CDH23: variants seen among roughly 807,000 people sequenced by gnomAD.
The protein encoded by CDH23 is cadherin related 23, also known as cadherin-23.
Under a neutral mutation model 317.1 loss-of-function variants are expected in CDH23, and 189 were observed. The ratio of observed to expected loss-of-function variants is 0.60; its 90% CI spans 0.53 to 0.67. The LOEUF is 0.67. CDH23 is among the 30% of genes least tolerant of loss of function. The probability of loss-of-function intolerance (pLI) is 0.00; values close to 1 mark genes in which losing one functional copy is unlikely to be tolerated. For missense variants in CDH23, 4,401 were observed against 4,592.4 expected (o/e 0.96, Z 1.20); for synonymous variants, 1,839 against 1,876.8 (o/e 0.98, Z 0.52).
At chr10:71,715,394 G>A (rs1430645750) in intron 28 of CDH23, 2 of 152,342 alleles carry the variant, frequency 1.3e-5, no homozygotes, top group African/African-American at 4.8e-5. Flanking sequence ...TGCTCCCACA[G>A]GGCACCAGGC....
In CDH23 at chr10:71,678,401, C is replaced by T. The variant is rs2132671717; in HGVS notation, c.1752+708C>T. On this transcript the variant is annotated intron_variant, in intron 16 of 69. Coordinates refer to ENST00000224721, the MANE Select transcript of CDH23 (RefSeq NM_022124.6). ...CCGGAATGCTATTCTCCAAGTGCTT[C>T]CTGCAGCAAGTCCCCCACTAGGCTT... Among the ~76,000 whole-genome samples, 3 of 152,308 alleles carry T rather than the reference C, an allele frequency of 2.0e-5. 1 individual carries two copies. Among genetic ancestry groups the T allele is most frequent in the Admixed American group, 2.0e-4 (3 of 15,310 alleles).
chr10:71,740,596 G>T (rs891170075), intron 36 of CDH23, among the ~76,000 whole-genome samples: 2 of 152,182 alleles, frequency 1.3e-5, no homozygotes, highest in African/African-American at 4.8e-5. Context: ...GTCAGACGAC[G>T]ATTGGGCAAG....
intron 6 of CDH23, among the ~76,000 whole-genome samples, chr10:71,528,909 A>C (rs1262268676): frequency 6.6e-6 from 1 of 152,182 alleles, no homozygotes; most frequent in East Asian, 1.9e-4. Context: ...CACTAAAACC[A>C]GCAGAACAGG....
chr10:71,694,072 G>GCT, intron 20 of CDH23, 75 bp from the exon 21 acceptor site: 2 of 1,145,744 alleles, frequency 1.7e-6, no homozygotes, highest in Non-Finnish European at 1.3e-6. Context: ...TCCTTCCCTC[G>GCT]CTCTCTCTCT....
chr10:71,803,169 G>A (rs1284530793), intron 54 of CDH23, 40 bp from the exon 55 acceptor site: 1 of 1,605,752 alleles, frequency 6.2e-7, no homozygotes, highest in Admixed American at 1.7e-5. Flanking sequence ...GCGTGGGAAG[G>A]ATGTCTCAAC....
intron 11 of CDH23, among the ~76,000 whole-genome samples, chr10:71,632,183 CA>C (rs1249506947): frequency 6.6e-6 from 1 of 152,160 alleles, no homozygotes; most frequent in Non-Finnish European, 1.5e-5. Context: ...ACCCATCCCC[CA>C]AAAAGGATGA....
At chr10:71,773,559 C>G (rs917871465) in intron 38 of CDH23, 2 of 929,566 alleles carry the variant, frequency 2.2e-6, no homozygotes, top group East Asian at 3.3e-5. Flanking sequence ...GCCCCAGCGC[C>G]GTGCTCCAGG....
chr10:71,482,871 G>A (rs16928934), intron 3 of CDH23, among the ~76,000 whole-genome samples: 22,975 of 152,194 alleles, frequency 0.15, 1,804 homozygotes, highest in East Asian at 0.22. Context: ...TTAAATCCAA[G>A]AGGGAGCCAT....
chr10:71,450,587 C>T (rs566081840), intron 3 of CDH23, among the ~76,000 whole-genome samples: 2 of 152,140 alleles, frequency 1.3e-5, no homozygotes, highest in Admixed American at 6.5e-5. Context: ...CTTGAAATGC[C>T]CCACCAGCCT....
intron 19 of CDH23, among the ~76,000 whole-genome samples, chr10:71,690,000 G>C (rs1182606784): frequency 2.0e-5 from 3 of 152,178 alleles, no homozygotes; most frequent in Admixed American, 6.5e-5. Flanking sequence ...AAAAGTGAAG[G>C]CCTTAACTGA....
chr10:71,807,441 T>C, intron 58 of CDH23, 35 bp downstream of exon 58: 3 of 1,613,192 alleles, frequency 1.9e-6, no homozygotes, highest in Non-Finnish European at 2.5e-6. Flanking sequence ...CTGATTACCC[T>C]GGGGCTAGAG....
At position 71,759,846 on chromosome 10, in the gene CDH23, C is replaced by CACACACACATACACACACACACACACAT. The variant is rs776230069; in HGVS notation, c.4846-17833_4846-17832insCACACACATACACACACACACACACATA. Among the ~76,000 whole-genome samples the CACACACACATACACACACACACACACAT allele has an allele frequency of 2.0e-4, 12 of 59,960 alleles. 1 individual carries two copies. Among genetic ancestry groups the CACACACACATACACACACACACACACAT allele is most frequent in the African/African-American group, 7.2e-4 (12 of 16,700 alleles). 39.3% of individuals were successfully genotyped at this position (59,960 alleles called of 152,430 possible). On this transcript the variant is annotated intron_variant, in intron 38 of 69. Coordinates refer to ENST00000224721, the MANE Select transcript of CDH23 (RefSeq NM_022124.6). ...ACACACACACACACACACACACACA[C>CACACACACATACACACACACACACACAT]ATATACACACACACACACATATATA...
At chr10:71,409,514 T>G (rs1248343221) in intron 1 of CDH23, among the ~76,000 whole-genome samples, 2 of 152,112 alleles carry the variant, frequency 1.3e-5, no homozygotes, top group Non-Finnish European at 2.9e-5. Flanking sequence ...CAGAGTAGAC[T>G]GGCTTTACCT....
At chr10:71,678,471 T>C (rs928256248) in intron 16 of CDH23, among the ~76,000 whole-genome samples, 2 of 152,206 alleles carry the variant, frequency 1.3e-5, no homozygotes, top group African/African-American at 2.4e-5. Flanking sequence ...CCCTTCCCCA[T>C]GCTGCCTACC....
chr10:71,749,750 TAGCCAC>T (rs1484290677), intron 38 of CDH23: 2 of 152,384 alleles, frequency 1.3e-5, no homozygotes, highest in Non-Finnish European at 2.9e-5. Context: ...TCCCTGGCTG[TAGCCAC>T]AGGCCCAGGG....
intron 6 of CDH23, among the ~76,000 whole-genome samples, chr10:71,552,130 C>G (rs1048515784): frequency 6.6e-6 from 1 of 152,176 alleles, no homozygotes; most frequent in Non-Finnish European, 1.5e-5. Context: ...ACTGCTAGGC[C>G]CACAGATGCA....
At chr10:71,773,558 C>T (rs1303708315) in intron 38 of CDH23, 1 of 967,052 alleles carries the variant, frequency 1.0e-6, no homozygotes, top group East Asian at 3.2e-5. Context: ...GGCCCCAGCG[C>T]CGTGCTCCAG....
chr10:71,734,172 T>C, intron 32 of CDH23, 68 bp from the exon 33 acceptor site: 2 of 1,305,690 alleles, frequency 1.5e-6, no homozygotes, highest in Non-Finnish European at 2.2e-6. Flanking sequence ...GGTGGAAAAG[T>C]GGGCAGAATG....
chr10:71,520,095 C>T (rs1371145163), intron 6 of CDH23, among the ~76,000 whole-genome samples: 1 of 152,212 alleles, frequency 6.6e-6, no homozygotes, highest in Non-Finnish European at 1.5e-5. Flanking sequence ...GGCATGAGCC[C>T]TCTCGCCTGA....
Sources: allele counts gnomAD v4.1 joint callset (sites outside exome capture counted in the v4.1 genomes callset), GRCh38; gene constraint gnomAD v4.1.1; transcripts MANE v1.5; gene names NCBI Gene and HGNC (gene_info 2026-07-23, HGNC 2026-07-21).